The following FAP variants were observed in gnomAD, a reference collection of about 807,000 sequenced individuals.
FAP encodes the protein fibroblast activation protein alpha, also known as prolyl endopeptidase FAP.
Under a neutral mutation model 126.5 loss-of-function variants are expected in FAP, and 110 were observed. The ratio of observed to expected loss-of-function variants is 0.87; its 90% CI spans 0.74 to 1.02. The LOEUF (loss-of-function observed/expected upper bound fraction) is 1.02. Among genes scored for constraint, FAP ranks in the 50% least tolerant of loss-of-function variants. The pLI is 0.00. For missense variants in FAP, 919 were observed against 909.2 expected (o/e 1.01, Z -0.14); for synonymous variants, 334 against 297.3 (o/e 1.12, Z -1.27).
chr2:162,184,691 G>A (rs1473998827), intron 20 of FAP, among the ~76,000 whole-genome samples: 1 of 152,068 alleles, frequency 6.6e-6, no homozygotes, highest in Non-Finnish European at 1.5e-5. Flanking sequence ...AGGAGAAAAT[G>A]TGCAGCAAAT....
At chr2:162,185,675 T>C (rs931689818) in intron 20 of FAP, among the ~76,000 whole-genome samples, 3 of 152,146 alleles carry the variant, frequency 2.0e-5, no homozygotes, top group Non-Finnish European at 4.4e-5. Context: ...TGTTTCCAAA[T>C]ATGTACGTAC....
At chr2:162,179,797 T>C (rs1287678545) in intron 21 of FAP, among the ~76,000 whole-genome samples, 1 of 129,194 alleles carries the variant, frequency 7.7e-6, no homozygotes, top group Non-Finnish European at 1.6e-5. Flanking sequence ...TATCTATATA[T>C]ATATATATAT....
At chr2:162,172,469 G>T (rs547188638) in intron 25 of FAP, 24 of 207,324 alleles carry the variant, frequency 1.2e-4, no homozygotes, top group East Asian at 9.6e-4. Context: ...TCTTCTAGCT[G>T]TTTAAGGATG....
At position 162,198,742 on chromosome 2, in the gene FAP, A is replaced by T; in HGVS notation, c.1402+15T>A. The stretch of plus-strand genomic sequence containing the variant: ...CCTGTGGGGATGCTGTGCTTATGTG[A>T]GGTCCGTTACCTACCGTAGCAGACA... On this transcript the variant is annotated intron_variant, in intron 16 of 25. Transcript: ENST00000188790. The T allele has an allele frequency of 6.2e-7, 1 of 1,613,740 alleles. No individual in the cohort carries two copies. Among genetic ancestry groups the T allele is most frequent in the African/African-American group, 1.3e-5 (1 of 75,032 alleles).
At chr2:162,238,894 T>C (rs184473857) in intron 2 of FAP, among the ~76,000 whole-genome samples, 184 of 152,336 alleles carry the variant, frequency 1.2e-3, no homozygotes, top group Non-Finnish European at 3.4e-4. Context: ...AAATGATATT[T>C]CTTCTTAAAA....
At chr2:162,243,236 C>T in intron 1 of FAP, 86 bp downstream of exon 1, 1 of 1,085,484 alleles carries the variant, frequency 9.2e-7, no homozygotes, top group Non-Finnish European at 1.4e-6. Context: ...TACAAATCTT[C>T]ACCTTCTAAA....
chr2:162,238,640 A>G (rs1435445086), intron 2 of FAP, among the ~76,000 whole-genome samples: 1 of 152,200 alleles, frequency 6.6e-6, no homozygotes. Context: ...AAGAATAGTG[A>G]AAAAATAAGC....
chr2:162,236,210 T>A (rs1163257498), intron 2 of FAP, among the ~76,000 whole-genome samples: 2 of 152,190 alleles, frequency 1.3e-5, no homozygotes, highest in East Asian at 3.8e-4. Flanking sequence ...ATGCTGGTAT[T>A]TTGTGGGAAA....
intron 21 of FAP, 24 bp from the exon 22 acceptor site, chr2:162,174,990 A>G (rs1204525724): frequency 1.3e-6 from 2 of 1,523,544 alleles, no homozygotes; most frequent in Non-Finnish European, 1.8e-6. Context: ...GTTATGAGTC[A>G]GACTCAGATT....
At chr2:162,190,421 C>T (rs371461827) in intron 17 of FAP, among the ~76,000 whole-genome samples, 20 of 152,010 alleles carry the variant, frequency 1.3e-4, no homozygotes, top group African/African-American at 4.6e-4. Flanking sequence ...CACAAACACA[C>T]ACTATGCTCT....
chr2:162,198,322 C>T, intron 16 of FAP: 1 of 1,288,640 alleles, frequency 7.8e-7, no homozygotes, highest in African/African-American at 1.5e-5. Context: ...TTTGATATTT[C>T]TCTGGGCAAA....
At chr2:162,173,987 AG>A (rs748740991) in intron 22 of FAP, among the ~76,000 whole-genome samples, 200 bp from the exon 23 acceptor site, 24 of 152,192 alleles carry the variant, frequency 1.6e-4, no homozygotes, top group Non-Finnish European at 2.6e-4. Flanking sequence ...GAGCTAGAGA[AG>A]TATGAAGGAA....
chr2:162,195,316 T>C (rs1688212277), intron 16 of FAP, among the ~76,000 whole-genome samples: 1 of 151,828 alleles, frequency 6.6e-6, no homozygotes, highest in Non-Finnish European at 1.5e-5. Flanking sequence ...GGTATTGGGA[T>C]GCACACTTGT....
chr2:162,209,881 A>T, intron 12 of FAP, 71 bp downstream of exon 12: 1 of 1,399,806 alleles, frequency 7.1e-7, no homozygotes. Context: ...GGTACATTGC[A>T]AATAGTCCTT....
chr2:162,209,444 A>G (rs939041576), intron 12 of FAP, among the ~76,000 whole-genome samples: 1 of 152,178 alleles, frequency 6.6e-6, no homozygotes, highest in Non-Finnish European at 1.5e-5. Flanking sequence ...CAAGTAACAA[A>G]CACACATTTT....
At chr2:162,190,770 G>C (rs1688015961) in intron 17 of FAP, among the ~76,000 whole-genome samples, 1 of 152,074 alleles carries the variant, frequency 6.6e-6, no homozygotes, top group Non-Finnish European at 1.5e-5. Flanking sequence ...CTTTTTGAAA[G>C]AGTGGTCTCT....
intron 18 of FAP, 67 bp downstream of exon 18, chr2:162,189,589 C>A: frequency 1.2e-6 from 1 of 865,778 alleles, no homozygotes; most frequent in South Asian, 1.5e-5. Context: ...TCACTCTATG[C>A]TTTTTTAAAA....
In FAP at chr2:162,207,812, G is replaced by A. The variant is rs1039238057; in HGVS notation, c.1047+2140C>T. 2.6e-5 allele frequency among the ~76,000 whole-genome samples: 4 copies of A among 151,350 alleles called. 1 individual carries two copies. The South Asian group carries it at 6.3e-4, about 24-fold the overall frequency. On this transcript the variant is annotated intron_variant, in intron 12 of 25. Transcript: ENST00000188790. The stretch of plus-strand genomic sequence containing the variant: ...TGCAAGCTCCGCCTCCCAGGTTCAC[G>A]CCATTCTCTTGCCTCAGCCTCCTGA...
intron 9 of FAP, among the ~76,000 whole-genome samples, chr2:162,216,770 C>T (rs1689174422): frequency 6.6e-6 from 1 of 152,228 alleles, no homozygotes; most frequent in African/African-American, 2.4e-5. Flanking sequence ...ATCCAAAGAA[C>T]TGTTCAACGT....
Sources: gnomAD v4.1 joint callset for allele counts (sites outside exome capture counted in the v4.1 genomes callset) on GRCh38, gnomAD v4.1.1 for gene constraint, MANE v1.5 for transcripts, NCBI Gene and HGNC (gene_info 2026-07-23, HGNC 2026-07-21) for gene names.